The following YIPF1 variants were observed in gnomAD, a reference collection of about 807,000 sequenced individuals.
The protein encoded by YIPF1 is protein YIPF1.
A neutral mutation model predicts 37.0 loss-of-function variants in YIPF1; 22 were observed. That is an observed-to-expected ratio of 0.59 (90% CI 0.42 to 0.85). The LOEUF is 0.85. YIPF1 is among the 40% of genes least tolerant of loss of function. The pLI, the probability that YIPF1 is intolerant of heterozygous loss-of-function variation, is 0.00. For synonymous variants in YIPF1, 128 were observed against 131.9 expected, an observed-to-expected ratio of 0.97 and a Z score of 0.21; for missense variants, 355 against 373.1, an observed-to-expected ratio of 0.95 and a Z score of 0.40.
chr1:53,854,165 T>A (rs180915920), intron 10 of YIPF1, among the ~76,000 whole-genome samples: 1 of 151,944 alleles, frequency 6.6e-6, no homozygotes, highest in African/African-American at 2.4e-5. Context: ...GGTATGAGAA[T>A]CACTTGAACC....
intron 6 of YIPF1, among the ~76,000 whole-genome samples, chr1:53,875,815 A>G (rs920968046): frequency 2.6e-5 from 4 of 152,208 alleles, no homozygotes; most frequent in Admixed American, 6.5e-5. Flanking sequence ...ACTTCAGGTC[A>G]TTACTCAAAA....
At chr1:53,857,208 C>T (rs1649741697) in intron 10 of YIPF1, among the ~76,000 whole-genome samples, 1 of 152,210 alleles carries the variant, frequency 6.6e-6, no homozygotes, top group Non-Finnish European at 1.5e-5. Context: ...AGACACCAGC[C>T]CTGGCCAATG....
intron 3 of YIPF1, 79 bp from the exon 4 acceptor site, chr1:53,883,355 T>C: frequency 3.5e-6 from 5 of 1,409,856 alleles, no homozygotes; most frequent in Non-Finnish European, 3.7e-6. Flanking sequence ...AAAGACAAGC[T>C]GTCACAACCT....
chr1:53,860,871 G>A (rs759544051), intron 9 of YIPF1, among the ~76,000 whole-genome samples: 3 of 152,184 alleles, frequency 2.0e-5, no homozygotes, highest in Non-Finnish European at 2.9e-5. Flanking sequence ...TAACTTGAGC[G>A]AAGCCAAACT....
Position 53,866,738 on chromosome 1 carries a change from T to C in YIPF1, c.648+20A>G. The C allele has an allele frequency of 6.3e-7, 1 of 1,599,260 alleles. No homozygotes were observed. The highest frequency in any genetic ancestry group is 1.1e-5 in the South Asian group (1 of 88,120). On this transcript the variant is annotated intron_variant, in intron 8 of 10. Transcript: ENST00000072644. ...GAACAGAGCATCACTCAGAATCTAC[T>C]CCCTAAGTATGGTACTTACTGCGGT... is the stretch of plus-strand genomic sequence containing the variant.
chr1:53,861,304 C>T (rs939714550), intron 9 of YIPF1, among the ~76,000 whole-genome samples: 2 of 152,118 alleles, frequency 1.3e-5, no homozygotes, highest in Non-Finnish European at 2.9e-5. Context: ...GGCCACAGTG[C>T]TAGTGCTGGG....
intron 3 of YIPF1, 124 bp from the exon 4 acceptor site, chr1:53,883,400 C>T: frequency 8.9e-7 from 1 of 1,129,876 alleles, no homozygotes; most frequent in Non-Finnish European, 1.1e-6. Flanking sequence ...ATACAAAGGG[C>T]AAAAGCTTTG....
intron 9 of YIPF1, among the ~76,000 whole-genome samples, chr1:53,862,113 G>C (rs753436676): frequency 5.9e-5 from 9 of 152,154 alleles, no homozygotes; most frequent in Admixed American, 1.3e-4. Flanking sequence ...CCATCATTTG[G>C]GGAATGCCTA....
chr1:53,886,316 G>A (rs559835949), intron 3 of YIPF1, among the ~76,000 whole-genome samples: 13 of 151,944 alleles, frequency 8.6e-5, no homozygotes, highest in Admixed American at 7.9e-4. Context: ...CTAACATGAC[G>A]ACTCTTCACA....
chr1:53,874,445 C>T (rs1042628663), intron 6 of YIPF1, among the ~76,000 whole-genome samples: 3 of 152,110 alleles, frequency 2.0e-5, no homozygotes, highest in Non-Finnish European at 4.4e-5. Context: ...ATAACACAAA[C>T]ACTGGTTACC....
chr1:53,884,826 A>G (rs1342070608), intron 3 of YIPF1, among the ~76,000 whole-genome samples: 1 of 152,232 alleles, frequency 6.6e-6, no homozygotes, highest in Non-Finnish European at 1.5e-5. Flanking sequence ...GAACCTTCGA[A>G]GGCCAAAGGA....
intron 10 of YIPF1, among the ~76,000 whole-genome samples, chr1:53,855,637 G>A (rs574574981): frequency 1.3e-5 from 2 of 152,254 alleles, no homozygotes; most frequent in South Asian, 4.1e-4. Context: ...GGTTACATCT[G>A]CCTGCTGTAT....
chr1:53,888,095 G>C (rs976031667), intron 3 of YIPF1, among the ~76,000 whole-genome samples: 1 of 152,108 alleles, frequency 6.6e-6, no homozygotes, highest in Non-Finnish European at 1.5e-5. Context: ...GTGTGGTGAC[G>C]GGCACCTGTA....
At position 53,873,722 on chromosome 1, in the gene YIPF1, G is replaced by A. The variant is rs182547950; in HGVS notation, c.365-2234C>T. Among the ~76,000 whole-genome samples, 17 of 151,778 alleles carry A rather than the reference G, an allele frequency of 1.1e-4. No homozygotes were observed. In the East Asian group the frequency reaches 2.5e-3, roughly 23 times the overall value. On this transcript the variant is annotated intron_variant, in intron 6 of 10. Coordinates refer to ENST00000072644, the MANE Select transcript of YIPF1 (RefSeq NM_018982.5). ...AAAAAGTGGGGGCGGGGGGGAATGC[G>A]GTGGCTCACACCTATAATCCCAGCA...
intron 10 of YIPF1, among the ~76,000 whole-genome samples, chr1:53,852,515 T>C (rs1037047282): frequency 8.5e-5 from 13 of 152,214 alleles, no homozygotes; most frequent in African/African-American, 2.9e-4. Flanking sequence ...GGAAACCCAG[T>C]GACCCTTTCC....
intron 3 of YIPF1, among the ~76,000 whole-genome samples, chr1:53,886,478 C>T (rs1650654927): frequency 6.6e-6 from 1 of 151,880 alleles, no homozygotes; most frequent in South Asian, 2.1e-4. Context: ...GAAACAATGC[C>T]TTTCACCTGA....
intron 7 of YIPF1, among the ~76,000 whole-genome samples, chr1:53,869,666 C>T (rs1012966680): frequency 2.6e-5 from 4 of 152,052 alleles, no homozygotes; most frequent in African/African-American, 9.7e-5. Flanking sequence ...GGCCAATCTC[C>T]GACAAAGCCA....
rs1348870933 is a variant in YIPF1 at position 53,866,399 on chromosome 1, G to C, written c.649-17C>G. 4 of 1,609,960 alleles carry C rather than the reference G, an allele frequency of 2.5e-6. No homozygotes were observed. In the South Asian group the frequency reaches 4.4e-5, roughly 18 times the overall value. On this transcript the variant is annotated splice_polypyrimidine_tract_variant and intron_variant, in intron 8 of 10. Coordinates refer to ENST00000072644, the MANE Select transcript of YIPF1 (RefSeq NM_018982.5). Reference sequence around the variant, plus strand: ...CCACAGTATCTGAAAGAAGAGAAAAGGAGGAGCGGGGAGTTCTTGGGAGGC... The same window carrying C: ...CCACAGTATCTGAAAGAAGAGAAAACGAGGAGCGGGGAGTTCTTGGGAGGC...
At chr1:53,852,870 T>C (rs1043921645) in intron 10 of YIPF1, among the ~76,000 whole-genome samples, 4 of 151,996 alleles carry the variant, frequency 2.6e-5, no homozygotes, top group Non-Finnish European at 5.9e-5. Flanking sequence ...TGGCTGTGTA[T>C]AGGATGAATT....
Sources: allele counts gnomAD v4.1 joint callset (sites outside exome capture counted in the v4.1 genomes callset), GRCh38; gene constraint gnomAD v4.1.1; transcripts MANE v1.5; gene names NCBI Gene and HGNC (gene_info 2026-07-23, HGNC 2026-07-21).